Variants in HDAC9 observed in about 807,000 individuals in gnomAD.
HDAC9 encodes the protein histone deacetylase 9, also known as MEF-2 interacting transcription repressor (MITR) protein.
In HDAC9, 41 loss-of-function variants were observed where a neutral mutation model predicts 139.4. That is an observed-to-expected ratio of 0.29 (90% CI 0.23 to 0.38). The LOEUF (loss-of-function observed/expected upper bound fraction) is 0.38. Among genes scored for constraint, HDAC9 ranks in the 10% least tolerant of loss-of-function variants. The pLI, the probability that HDAC9 is intolerant of heterozygous loss-of-function variation, is 1.00. For synonymous variants in HDAC9, 517 were observed against 476.2 expected (o/e 1.09, Z -1.12); for missense variants, 1,147 against 1,297.0 (o/e 0.88, Z 1.78).
intron 1 of HDAC9, among the ~76,000 whole-genome samples, chr7:18,420,709 A>G (rs1362839533): frequency 1.3e-5 from 2 of 152,188 alleles, no homozygotes; most frequent in Non-Finnish European, 2.9e-5. Flanking sequence ...CCCTGATCTT[A>G]CAGAACTCAT....
chr7:18,532,189 G>A (rs1434957118), intron 2 of HDAC9, among the ~76,000 whole-genome samples: 1 of 152,170 alleles, frequency 6.6e-6, no homozygotes, highest in East Asian at 1.9e-4. Context: ...GGTGGAGGTT[G>A]CAGTGAGCCC....
intron 2 of HDAC9, among the ~76,000 whole-genome samples, chr7:18,534,900 G>GT (rs1810361141): frequency 6.6e-6 from 1 of 152,160 alleles, no homozygotes; most frequent in South Asian, 2.1e-4. Flanking sequence ...GGCTGTGAGG[G>GT]TATGGGCATG....
chr7:18,770,208 A>G (rs1790170112), intron 16 of HDAC9, among the ~76,000 whole-genome samples: 1 of 152,156 alleles, frequency 6.6e-6, no homozygotes, highest in South Asian at 2.1e-4. Flanking sequence ...TCGAGCAACA[A>G]TGTCAAGGTT....
intron 21 of HDAC9, 27 bp from the exon 22 acceptor site, chr7:18,874,451 G>A: frequency 6.8e-7 from 1 of 1,460,154 alleles, no homozygotes; most frequent in Non-Finnish European, 9.4e-7. Context: ...AGTCCCACGT[G>A]TGACCGGTTG....
intron 16 of HDAC9, among the ~76,000 whole-genome samples, chr7:18,788,748 CTG>C (rs1277084882): frequency 7.7e-5 from 7 of 90,446 alleles, no homozygotes; most frequent in South Asian, 5.2e-4. Flanking sequence ...GAGCGAGACT[CTG>C]TTTAAAAAAA....
At chr7:18,905,171 G>A (rs549140441) in intron 22 of HDAC9, among the ~76,000 whole-genome samples, 11 of 151,924 alleles carry the variant, frequency 7.2e-5, no homozygotes, top group East Asian at 3.9e-4. Flanking sequence ...GATTACAGGC[G>A]TGAGCCACTG....
intron 1 of HDAC9, among the ~76,000 whole-genome samples, chr7:18,413,381 C>CT (rs1435839972): frequency 6.6e-6 from 1 of 152,112 alleles, no homozygotes; most frequent in East Asian, 1.9e-4. Flanking sequence ...AATCTGGAGT[C>CT]TATCTCTGGA....
intron 13 of HDAC9, among the ~76,000 whole-genome samples, chr7:18,745,571 G>C (rs1480920073): frequency 8.3e-6 from 1 of 120,226 alleles, no homozygotes; most frequent in Non-Finnish European, 1.6e-5. Flanking sequence ...ACGGAGTCTC[G>C]GTCTGTCGCC....
chr7:18,842,643 A>G (rs1179775109), intron 21 of HDAC9, among the ~76,000 whole-genome samples: 2 of 152,094 alleles, frequency 1.3e-5, no homozygotes, highest in East Asian at 1.9e-4. Context: ...TGTCAGCTCT[A>G]TCTGCTTTTC....
intron 2 of HDAC9, among the ~76,000 whole-genome samples, chr7:18,566,373 C>T (rs779978307): frequency 3.9e-5 from 6 of 152,318 alleles, no homozygotes; most frequent in Middle Eastern, 3.4e-3. Flanking sequence ...CGCTTGCTTC[C>T]TAGTACCTCT....
chr7:18,936,634 C>T (rs1419088260), intron 23 of HDAC9, among the ~76,000 whole-genome samples: 2 of 152,162 alleles, frequency 1.3e-5, no homozygotes, highest in Non-Finnish European at 1.5e-5. Context: ...TTCAAAGTTT[C>T]TATGTATTCA....
intron 3 of HDAC9, among the ~76,000 whole-genome samples, chr7:18,588,797 A>C (rs10274009): frequency 0.18 from 28,067 of 152,010 alleles, 2,704 homozygotes; most frequent in Admixed American, 0.23. Context: ...GGTGAAGCTG[A>C]CTAAACTTTG....
intron 1 of HDAC9, among the ~76,000 whole-genome samples, chr7:18,461,793 G>T (rs1793870295): frequency 6.6e-6 from 1 of 151,982 alleles, no homozygotes; most frequent in Non-Finnish European, 1.5e-5. Flanking sequence ...TGAAATATTT[G>T]ATTAAACTGT....
chr7:18,389,546 C>T (rs1262047165), intron 1 of HDAC9, among the ~76,000 whole-genome samples: 5 of 152,160 alleles, frequency 3.3e-5, no homozygotes, highest in Non-Finnish European at 7.3e-5. Flanking sequence ...CTTCTACTCA[C>T]ATTCTGTTGG....
chr7:18,431,221 A>C (rs972261740), intron 1 of HDAC9, among the ~76,000 whole-genome samples: 8 of 152,232 alleles, frequency 5.3e-5, no homozygotes, highest in African/African-American at 1.9e-4. Context: ...CTTACAGATA[A>C]ATGAAAATTA....
chr7:18,781,560 T>C (rs1463562040), intron 16 of HDAC9, among the ~76,000 whole-genome samples: 1 of 152,112 alleles, frequency 6.6e-6, no homozygotes, highest in East Asian at 1.9e-4. Context: ...CTTTTTGCTT[T>C]CTTTGGGCAA....
At chr7:18,675,569 T>G (rs1781450233) in intron 12 of HDAC9, among the ~76,000 whole-genome samples, 1 of 152,106 alleles carries the variant, frequency 6.6e-6, no homozygotes, top group Non-Finnish European at 1.5e-5. Flanking sequence ...TTCTCCTTGG[T>G]AGGAGCTGAC....
At chr7:18,117,183 C>G (rs569082117) in intron 1 of HDAC9, among the ~76,000 whole-genome samples, 2 of 151,936 alleles carry the variant, frequency 1.3e-5, no homozygotes, top group South Asian at 4.1e-4. Context: ...AGGTCTTTGC[C>G]GATGTAATGA....
At chr7:18,403,390 T>C (rs1178571435) in intron 1 of HDAC9, among the ~76,000 whole-genome samples, 1 of 152,222 alleles carries the variant, frequency 6.6e-6, no homozygotes, top group Non-Finnish European at 1.5e-5. Flanking sequence ...TAACTATTTT[T>C]AACTATTTCT....
Sources: gnomAD v4.1 joint callset for allele counts (sites outside exome capture counted in the v4.1 genomes callset) on GRCh38, gnomAD v4.1.1 for gene constraint, MANE v1.5 for transcripts, NCBI Gene and HGNC (gene_info 2026-07-23, HGNC 2026-07-21) for gene names.